The following CNTRL variants were observed in gnomAD, a reference collection of about 807,000 sequenced individuals.
CNTRL encodes the protein centriolin.
In CNTRL, 233 loss-of-function variants were observed where a neutral mutation model predicts 303.7. The ratio of observed to expected loss-of-function variants is 0.77; its 90% CI spans 0.69 to 0.86. CNTRL has a LOEUF of 0.86. CNTRL is among the 40% of genes least tolerant of loss of function. CNTRL has a pLI of 0.00. For synonymous variants in CNTRL, 900 were observed against 922.2 expected, an observed-to-expected ratio of 0.98 and a Z score of 0.44; for missense variants, 2,524 against 2,650.6, an observed-to-expected ratio of 0.95 and a Z score of 1.05.
At position 121,075,082 on chromosome 9, in the gene CNTRL, T is replaced by A. The variant is rs1335616150; in HGVS notation, c.-205+15T>A. The A allele has an allele frequency of 2.6e-6, 1 of 386,430 alleles. No individual in the cohort carries two copies. Among genetic ancestry groups the A allele is most frequent in the Non-Finnish European group, 5.2e-6 (1 of 191,224 alleles). 23.9% of individuals were successfully genotyped at this position (386,430 alleles called of 1,614,324 possible). A position where few individuals can be genotyped will look rare whatever the true frequency, so the allele number is the denominator to read the frequency against. On this transcript the variant is annotated intron_variant, in intron 1 of 43. Transcript: ENST00000373855. Reference sequence around the variant, plus strand: ...GCTTCTAGGCGGTGAGCGTCAGACCTGGCCGAGCCCGTTCCCCGGCATCCG... The same window carrying A: ...GCTTCTAGGCGGTGAGCGTCAGACCAGGCCGAGCCCGTTCCCCGGCATCCG...
intron 12 of CNTRL, among the ~76,000 whole-genome samples, chr9:121,120,157 T>C (rs893093451): frequency 6.6e-6 from 1 of 152,118 alleles, no homozygotes; most frequent in African/African-American, 2.4e-5. Flanking sequence ...TCTGGATTAA[T>C]AGAAATCATA....
chr9:121,101,193 AAACT>A (rs2049149485), intron 7 of CNTRL, among the ~76,000 whole-genome samples: 1 of 152,186 alleles, frequency 6.6e-6, no homozygotes. Flanking sequence ...AAATTATAAC[AAACT>A]GTCTCTCAGA....
intron 7 of CNTRL, among the ~76,000 whole-genome samples, chr9:121,103,469 T>C (rs1238712517): frequency 6.6e-6 from 1 of 152,204 alleles, no homozygotes; most frequent in East Asian, 1.9e-4. Context: ...TAGGCAATAC[T>C]ATTCAGGACA....
chr9:121,079,668 C>T (rs1408776188), intron 1 of CNTRL, among the ~76,000 whole-genome samples: 2 of 152,020 alleles, frequency 1.3e-5, no homozygotes, highest in Admixed American at 6.6e-5. Context: ...ATTTGGAGTG[C>T]TTAACCTGTA....
At chr9:121,136,010 AACT>A in intron 15 of CNTRL, 28 bp downstream of exon 15, 1 of 1,556,408 alleles carries the variant, frequency 6.4e-7, no homozygotes, top group African/African-American at 1.4e-5. Context: ...GCCAACTGCA[AACT>A]AAGGACCCTG....
In CNTRL at chr9:121,135,979, C is replaced by T. The variant is rs760109441; in HGVS notation, c.2199C>T (p.Thr733=). ...KEELEKVTRL[T]QLEQSALQAE... Reference sequence around the variant, plus strand: ...AGTTGGAAAAAGTAACAAGACTTACCCAGGTAAGTAGGAGCATGAAGCCAA... The same window carrying T: ...AGTTGGAAAAAGTAACAAGACTTACTCAGGTAAGTAGGAGCATGAAGCCAA... The change falls in exon 15 of 44, where the codon ACC becomes ACT. Residue 733 remains threonine (T), a synonymous_variant. Transcript: ENST00000373855. The T allele has an allele frequency of 1.2e-6, 2 of 1,600,476 alleles. No individual in the cohort carries two copies. The highest frequency in any genetic ancestry group is 2.2e-5 in the South Asian group (2 of 90,178).
At chr9:121,089,819 G>A (rs1468566622) in intron 3 of CNTRL, among the ~76,000 whole-genome samples, 1 of 152,046 alleles carries the variant, frequency 6.6e-6, no homozygotes, top group Non-Finnish European at 1.5e-5. Flanking sequence ...GTAGGATCTT[G>A]AGCAAATGAT....
intron 7 of CNTRL, among the ~76,000 whole-genome samples, chr9:121,102,025 A>G (rs2049198601): frequency 6.6e-6 from 1 of 152,220 alleles, no homozygotes; most frequent in Non-Finnish European, 1.5e-5. Context: ...ATAGAAAAAG[A>G]GGGAATCCAC....
At chr9:121,108,363 T>C (rs1023732799) in intron 8 of CNTRL, among the ~76,000 whole-genome samples, 94 of 152,166 alleles carry the variant, frequency 6.2e-4, no homozygotes, top group Non-Finnish European at 9.6e-4. Flanking sequence ...TAAAATATAA[T>C]ATCTTTATGC....
chr9:121,173,755 A>T lies in CNTRL; in HGVS notation c.6747+18A>T, dbSNP rs1208501361. ...GACTCAAGGTTGCCCTTTAAAACAA[A>T]CAAAAAATCAGTATGAGATACTGGG... is the stretch of plus-strand genomic sequence containing the variant. On this transcript the variant is annotated intron_variant, in intron 42 of 43. Coordinates refer to ENST00000373855, the MANE Select transcript of CNTRL (RefSeq NM_007018.6). 5.6e-6 allele frequency: 9 copies of T among 1,612,874 alleles called. No homozygotes were observed. The highest frequency in any genetic ancestry group is 1.3e-5 in the African/African-American group (1 of 74,896).
At chr9:121,168,684 C>A (rs1179353283) in intron 38 of CNTRL, among the ~76,000 whole-genome samples, 1 of 152,168 alleles carries the variant, frequency 6.6e-6, no homozygotes, top group African/African-American at 2.4e-5. Context: ...ATTAACAGTT[C>A]TTTTGTCCAG....
At position 121,162,109 on chromosome 9, in the gene CNTRL, T is replaced by C. The variant is rs761446090; in HGVS notation, c.5261T>C (p.Ile1754Thr). The change falls in exon 34 of 44, where the codon ATA (isoleucine) becomes ACA (threonine). Residue 1754 changes from isoleucine (I) to threonine (T), a missense_variant. Physicochemically the swap from Ile to Thr is moderately conservative, Grantham distance 89. Transcript: ENST00000373855. ...QQISQQQKGE[I>T]EWQKQLLERD... ...ATATCCCAGCAGCAGAAAGGGGAAA[T>C]AGAGTGGCAGAAGCAGCTCCTTGAG... 4 of 1,613,992 alleles carry C rather than the reference T, an allele frequency of 2.5e-6. No homozygotes were observed. The South Asian group carries it at 4.4e-5, about 18-fold the overall frequency.
At chr9:121,152,980 A>C (rs983618031) in intron 26 of CNTRL, among the ~76,000 whole-genome samples, 7 of 152,130 alleles carry the variant, frequency 4.6e-5, no homozygotes, top group African/African-American at 1.7e-4. Context: ...CCTCTTGGAG[A>C]GTGGTATAAC....
At chr9:121,160,824 C>A (rs2052811128) in intron 32 of CNTRL, among the ~76,000 whole-genome samples, 1 of 151,968 alleles carries the variant, frequency 6.6e-6, no homozygotes, top group South Asian at 2.1e-4. Context: ...CAAAAATATT[C>A]AAAAATTAGC....
intron 19 of CNTRL, 57 bp downstream of exon 19, chr9:121,142,327 C>A (rs2051565623): frequency 6.8e-7 from 1 of 1,472,036 alleles, no homozygotes; most frequent in South Asian, 1.4e-5. Context: ...GTCCTGCCCA[C>A]TGGCAACTAG....
In CNTRL at chr9:121,157,327, G is replaced by A. The variant is rs535641762; in HGVS notation, c.4366-143G>A. The A allele has an allele frequency of 4.9e-5, 35 of 709,834 alleles. No individual in the cohort carries two copies. In the African/African-American group the frequency reaches 5.0e-4, roughly 10 times the overall value. The allele number at this position is 709,834 out of a possible 1,614,324, so 44.0% of individuals were successfully genotyped here. On this transcript the variant is annotated intron_variant, in intron 27 of 43. Transcript: ENST00000373855. The stretch of plus-strand genomic sequence containing the variant: ...GTTCTTTGCTTCTGAATTATTTACC[G>A]AGAATTAGAGTTACAGTGAATGGAC...
intron 21 of CNTRL, 71 bp from the exon 22 acceptor site, chr9:121,145,172 GT>G: frequency 6.7e-7 from 1 of 1,488,926 alleles, no homozygotes; most frequent in Non-Finnish European, 9.1e-7. Context: ...TCATAATCAA[GT>G]TGAAAGGATA....
chr9:121,170,349 G>C (rs1421172447), intron 39 of CNTRL, among the ~76,000 whole-genome samples: 1 of 152,166 alleles, frequency 6.6e-6, no homozygotes, highest in Non-Finnish European at 1.5e-5. Context: ...TCACCAGGTT[G>C]ACCAGGCTAG....
intron 1 of CNTRL, among the ~76,000 whole-genome samples, chr9:121,076,390 G>A (rs1006265316): frequency 6.6e-6 from 1 of 152,048 alleles, no homozygotes; most frequent in Non-Finnish European, 1.5e-5. Context: ...AGAAGGATAC[G>A]GGGGCTAGAG....
Sources: gnomAD v4.1 joint callset for allele counts (sites outside exome capture counted in the v4.1 genomes callset) on GRCh38, gnomAD v4.1.1 for gene constraint, MANE v1.5 for transcripts, NCBI Gene and HGNC (gene_info 2026-07-23, HGNC 2026-07-21) for gene names.